CPLANE1: variants seen among roughly 807,000 people sequenced by gnomAD.
CPLANE1 encodes the protein ciliogenesis and planar polarity effector complex subunit 1.
CPLANE1 carries 263 observed loss-of-function variants against 362.5 expected under a neutral mutation model. The ratio of observed to expected loss-of-function variants is 0.73; its 90% CI spans 0.66 to 0.80. The LOEUF (loss-of-function observed/expected upper bound fraction) is 0.80, where lower values mean the gene tolerates loss of function less well. Among genes scored for constraint, CPLANE1 ranks in the 30% least tolerant of loss-of-function variants. CPLANE1 has a pLI of 0.00. For synonymous variants in CPLANE1, 1,212 were observed against 1,302.6 expected (o/e 0.93, Z 1.50); for missense variants, 3,461 against 3,793.4 (o/e 0.91, Z 2.30).
In CPLANE1 at chr5:37,226,723, G is replaced by C; in HGVS notation, c.1872C>G (p.Ser624Arg). The change falls in exon 12 of 53, where the codon AGC becomes AGG. Residue 624 changes from serine to arginine, a missense_variant. Physicochemically the swap from Ser to Arg is moderately radical, Grantham distance 110 (BLOSUM62 -1). This residue lies in a region of CPLANE1 where 3,380 missense variants were observed against 3,666.1 expected (regional missense o/e 0.92). Coordinates refer to ENST00000651892, the MANE Select transcript of CPLANE1 (RefSeq NM_001384732.1). Reference protein sequence around the residue: ...CPFPKLDLVLSKSSRHNAWIL... With the variant: ...CPFPKLDLVLRKSSRHNAWIL... ...TCCATGCATTATGTCTTGAGCTTTT[G>C]CTTAAAACAAGATCAAGTTTAGGAA... 4 of 1,544,978 alleles carry C rather than the reference G, an allele frequency of 2.6e-6. No individual in the cohort carries two copies. Among genetic ancestry groups the C allele is most frequent in the Non-Finnish European group, 3.5e-6 (4 of 1,144,254 alleles).
the CPLANE1 span, among the ~76,000 whole-genome samples, chr5:37,100,868 A>T: frequency 6.6e-6 from 1 of 152,108 alleles, no homozygotes; most frequent in Non-Finnish European, 1.5e-5. Flanking sequence ...TTCTCTTTGT[A>T]GCAATTGAGA....
At chr5:37,105,244 G>A (rs1286458324), downstream of CPLANE1, among the ~76,000 whole-genome samples, 1 of 152,142 alleles carries the variant, frequency 6.6e-6, no homozygotes, top group East Asian at 1.9e-4. Flanking sequence ...AGGCTGCAGT[G>A]AGCCAACATC....
Position 37,209,022 on chromosome 5 carries a change from G to A in CPLANE1, c.2921-2597C>T, listed in dbSNP as rs1181706214. Among the ~76,000 whole-genome samples the A allele has an allele frequency of 6.6e-6, 1 of 152,128 alleles. No homozygotes were observed. Reference sequence around the variant, plus strand: ...GGAAGGCTGTACTGAGCCGGTCTCGGGAGACGAAGGATGGGATGTGAGGCG... The same window carrying A: ...GGAAGGCTGTACTGAGCCGGTCTCGAGAGACGAAGGATGGGATGTGAGGCG... On this transcript the variant is annotated intron_variant, in intron 16 of 52. Coordinates refer to ENST00000651892, the MANE Select transcript of CPLANE1 (RefSeq NM_001384732.1). The surrounding 1 kb of genome is among the most constrained non-coding windows in gnomAD (Gnocchi z 4.6).
At position 37,206,324 on chromosome 5, in the gene CPLANE1, ATT is replaced by A. The variant is rs1445385613; in HGVS notation, c.3020_3021del (p.Glu1007ValfsTer17). ...SNVWTVEYAL[E>X]LLFIGGLVPE... ...GGAACCAGGCCACCAATAAATAGTAATTCAAGTGCATATTCAACTGTCCACAC... is the reference window on the plus strand; with the variant it reads ...GGAACCAGGCCACCAATAAATAGTAACAAGTGCATATTCAACTGTCCACAC... On this transcript the variant is annotated frameshift_variant, in exon 17 of 53. Coordinates refer to ENST00000651892, the MANE Select transcript of CPLANE1 (RefSeq NM_001384732.1). 8.4e-6 allele frequency: 13 copies of A among 1,551,478 alleles called. No individual in the cohort carries two copies.
chr5:37,189,321 C>G (rs1256208739), intron 21 of CPLANE1, among the ~76,000 whole-genome samples: 1 of 152,050 alleles, frequency 6.6e-6, no homozygotes, highest in African/African-American at 2.4e-5. Flanking sequence ...TCTATTCATC[C>G]CAATAGTGAG....
At chr5:37,248,059 G>C (rs1740385813) in intron 1 of CPLANE1, among the ~76,000 whole-genome samples, 1 of 151,844 alleles carries the variant, frequency 6.6e-6, no homozygotes, top group Non-Finnish European at 1.5e-5. Context: ...CAAAGTGCTG[G>C]GATAACAGGC....
chr5:37,106,768 T>C lies in CPLANE1; in HGVS notation c.*834A>G. On this transcript the variant is annotated 3_prime_UTR_variant, in exon 53 of 53. Coordinates refer to ENST00000651892, the MANE Select transcript of CPLANE1 (RefSeq NM_001384732.1). Reference sequence around the variant, plus strand: ...TATTTGGAAAAAGAGGGGTATTTAATAGCTTTTTCAGATGATAGTGTGCTT... The same window carrying C: ...TATTTGGAAAAAGAGGGGTATTTAACAGCTTTTTCAGATGATAGTGTGCTT... The C allele has an allele frequency of 1.2e-6, 1 of 856,344 alleles. No homozygotes were observed. The highest frequency in any genetic ancestry group is 1.4e-6 in the Non-Finnish European group (1 of 712,446). The allele number at this position is 856,344 out of a possible 1,614,324, so 53.0% of individuals were successfully genotyped here.
At chr5:37,156,466 A>C (rs891613727) in intron 41 of CPLANE1, among the ~76,000 whole-genome samples, 1 of 151,978 alleles carries the variant, frequency 6.6e-6, no homozygotes, top group Non-Finnish European at 1.5e-5. Flanking sequence ...TTAGCTAGGC[A>C]TGGTGGTGTG....
At chr5:37,085,313 G>A in the CPLANE1 span, 2 of 1,173,334 alleles carry the variant, frequency 1.7e-6, no homozygotes, top group African/African-American at 1.5e-5. Flanking sequence ...CTGGATTCAT[G>A]GATGTCATCA....
At position 37,154,111 on chromosome 5, in the gene CPLANE1, T is replaced by A. The variant is rs74360000; in HGVS notation, c.8120-118A>T. ...AACACAACACTACTTTCCAAATCAG[T>A]TTTAATTAAATATACCTAAAAATTC... On this transcript the variant is annotated intron_variant, in intron 41 of 52. Transcript: ENST00000651892. 4,709 of 840,386 alleles carry A rather than the reference T, an allele frequency of 5.6e-3. 168 individuals carry two copies. The African/African-American group carries it at 0.074, about 13-fold the overall frequency. The allele number at this position is 840,386 out of a possible 1,614,324, so 52.1% of individuals were successfully genotyped here. A position where few individuals can be genotyped will look rare whatever the true frequency, so the allele number is the denominator to read the frequency against.
At chr5:37,140,572 A>C in intron 44 of CPLANE1, 1 of 985,454 alleles carries the variant, frequency 1.0e-6, no homozygotes, top group East Asian at 1.1e-4. Flanking sequence ...TCCATTAAAG[A>C]GACACTTTCT....
At chr5:37,088,750 C>A in the CPLANE1 span, among the ~76,000 whole-genome samples, 4 of 152,180 alleles carry the variant, frequency 2.6e-5, no homozygotes, top group East Asian at 7.7e-4. Context: ...TCTGCCTCAA[C>A]AAATTAATGC....
At chr5:37,185,829 G>C (rs1462578059) in intron 24 of CPLANE1, among the ~76,000 whole-genome samples, 1 of 152,122 alleles carries the variant, frequency 6.6e-6, no homozygotes, top group African/African-American at 2.4e-5. Flanking sequence ...ACCACAGTAA[G>C]AAATGTGTGT....
At chr5:37,085,898 T>TGTTGG in the CPLANE1 span, 1 of 821,254 alleles carries the variant, frequency 1.2e-6, no homozygotes. Context: ...TAATTAAAAA[T>TGTTGG]AATGTGGCAG....
chr5:37,112,016 G>C (rs936620815), intron 51 of CPLANE1, among the ~76,000 whole-genome samples: 5 of 152,112 alleles, frequency 3.3e-5, no homozygotes, highest in Admixed American at 6.5e-5. Context: ...GTGGAGGTGG[G>C]GTGCTGAAGT....
intron 42 of CPLANE1, among the ~76,000 whole-genome samples, chr5:37,152,047 T>C (rs909895886): frequency 1.3e-5 from 2 of 152,258 alleles, no homozygotes; most frequent in African/African-American, 4.8e-5. Flanking sequence ...AGGTGTACTA[T>C]AAACCTAATA....
At chr5:37,217,580 C>G (rs1244904654) in intron 15 of CPLANE1, among the ~76,000 whole-genome samples, 1 of 151,674 alleles carries the variant, frequency 6.6e-6, no homozygotes. Context: ...GCACTCCAGC[C>G]TGGGCGACAG....
At chr5:37,224,918 C>T (rs1299898400) in intron 12 of CPLANE1, among the ~76,000 whole-genome samples, 178 bp from the exon 13 acceptor site, 5 of 146,930 alleles carry the variant, frequency 3.4e-5, no homozygotes, top group African/African-American at 1.3e-4. Flanking sequence ...TATATAAAAT[C>T]TTCATAAATA....
intron 46 of CPLANE1, among the ~76,000 whole-genome samples, chr5:37,134,475 G>C (rs924057316): frequency 2.6e-5 from 4 of 152,216 alleles, no homozygotes; most frequent in African/African-American, 9.6e-5. Context: ...TGTGGGATCA[G>C]TTGTAATGTC....
Sources: gnomAD v4.1 joint callset for allele counts (sites outside exome capture counted in the v4.1 genomes callset) on GRCh38, gnomAD v4.1.1 for gene constraint, gnomAD v4.1.1 regional missense constraint, Gnocchi (gnomAD v3.1) non-coding constraint, MANE v1.5 for transcripts, NCBI Gene and HGNC (gene_info 2026-07-23, HGNC 2026-07-21) for gene names.